Variants in NHSL1 observed in about 807,000 individuals in gnomAD.
NHSL1 encodes NHS-like protein 1.
Under a neutral mutation model 95.0 loss-of-function variants are expected in NHSL1, and 48 were observed. The observed-to-expected ratio is 0.51, with a 90% CI of 0.40 to 0.64. The LOEUF is 0.64. Ranked by LOEUF, NHSL1 falls within the 30% of genes least tolerant of loss-of-function variation. The pLI is 0.00. For synonymous variants in NHSL1, 783 were observed against 833.9 expected, an observed-to-expected ratio of 0.94 and a Z score of 1.05; for missense variants, 1,971 against 2,077.7, an observed-to-expected ratio of 0.95 and a Z score of 1.00.
chr6:138,692,847 A>G (rs998510244), upstream of NHSL1, among the ~76,000 whole-genome samples: 2 of 149,962 alleles, frequency 1.3e-5, no homozygotes, highest in African/African-American at 4.9e-5. The surrounding 1 kb of genome is among the most constrained non-coding windows in gnomAD (Gnocchi z 4.0). Context: ...ACACAAAGGA[A>G]GTCCCGGGCA....
At chr6:138,637,814 T>A (rs1784906810) in intron 1 of NHSL1, among the ~76,000 whole-genome samples, 1 of 152,256 alleles carries the variant, frequency 6.6e-6, no homozygotes, top group South Asian at 2.1e-4. Flanking sequence ...AAGAGCAGTT[T>A]GGAGGTTCCT....
intron 3 of NHSL1, among the ~76,000 whole-genome samples, chr6:138,465,701 T>C (rs1479257819): frequency 6.6e-6 from 1 of 151,542 alleles, no homozygotes; most frequent in African/African-American, 2.4e-5. Context: ...ATCTGATATA[T>C]CTCCTACACT....
At chr6:138,543,886 G>T (rs951085363) in intron 1 of NHSL1, among the ~76,000 whole-genome samples, 1 of 152,172 alleles carries the variant, frequency 6.6e-6, no homozygotes, top group African/African-American at 2.4e-5. Context: ...GGCTTTAAAA[G>T]GGTGCGATTG....
intron 1 of NHSL1, among the ~76,000 whole-genome samples, chr6:138,517,921 A>G (rs1197370906): frequency 6.6e-6 from 1 of 152,206 alleles, no homozygotes; most frequent in Admixed American, 6.5e-5. Context: ...TGAGTGGGTC[A>G]GGGTGGCACA....
At chr6:138,601,816 AG>A (rs57683728) in intron 1 of NHSL1, among the ~76,000 whole-genome samples, 1,837 of 151,514 alleles carry the variant, frequency 0.012, 43 homozygotes, top group African/African-American at 0.042. Context: ...ATCTCAAAAA[AG>A]AAAAAAAAAG....
chr6:138,476,322 A>G (rs1028792684), intron 2 of NHSL1, among the ~76,000 whole-genome samples: 1 of 152,224 alleles, frequency 6.6e-6, no homozygotes, highest in African/African-American at 2.4e-5. Context: ...CCATAAAAAA[A>G]GAATTAAATC....
intron 1 of NHSL1, among the ~76,000 whole-genome samples, chr6:138,526,945 T>C (rs1403768119): frequency 6.6e-6 from 1 of 152,216 alleles, no homozygotes; most frequent in Non-Finnish European, 1.5e-5. Flanking sequence ...TTGTCATTCG[T>C]GGTAGTTTTG....
At chr6:138,638,438 C>T (rs1165118470) in intron 1 of NHSL1, among the ~76,000 whole-genome samples, 3 of 152,156 alleles carry the variant, frequency 2.0e-5, no homozygotes, top group East Asian at 1.9e-4. Flanking sequence ...TGTATCAAAA[C>T]ATCTCATGTA....
At chr6:138,659,396 T>C (rs929701046) in intron 1 of NHSL1, among the ~76,000 whole-genome samples, 1 of 152,120 alleles carries the variant, frequency 6.6e-6, no homozygotes, top group African/African-American at 2.4e-5. Flanking sequence ...CACGCTCCTC[T>C]TGGCTACTAC....
In NHSL1 at chr6:138,430,730, T is replaced by C. The variant is rs944162958; in HGVS notation, c.3615A>G (p.Val1205=). ...ISKKPKLFLV[V]PPPQKDFAVE... ...CTGCAAAATCTTTCTGCGGAGGTGG[T>C]ACCACCAGGAACAGTTTGGGCTTCT... The change falls in exon 6 of 8, where the codon GTA becomes GTG. Residue 1205 remains valine, a synonymous_variant. Transcript: ENST00000343505. The surrounding 1 kb of genome is among the most constrained non-coding windows in gnomAD (Gnocchi z 4.7). 9.0e-6 allele frequency: 14 copies of C among 1,551,572 alleles called. No individual in the cohort carries two copies. Among genetic ancestry groups the C allele is most frequent in the Admixed American group, 2.0e-5 (1 of 50,966 alleles).
chr6:138,666,590 C>CAAAAAAAAAAAA (rs10564684), intron 1 of NHSL1, among the ~76,000 whole-genome samples: 1 of 89,310 alleles, frequency 1.1e-5, no homozygotes, highest in Non-Finnish European at 2.2e-5. Flanking sequence ...GCCTCCATCT[C>CAAAAAAAAAAAA]AAAAAAAAAA....
At chr6:138,434,315 T>C (rs949216693) in intron 5 of NHSL1, among the ~76,000 whole-genome samples, 3 of 151,980 alleles carry the variant, frequency 2.0e-5, no homozygotes, top group East Asian at 1.9e-4. Context: ...TGTGTTCTAG[T>C]TGGGGAAACT....
chr6:138,431,388 G>C lies in NHSL1; in HGVS notation c.2957C>G (p.Pro986Arg). Reference sequence around the variant, plus strand: ...GCGGGGAGGAGAAAGGCACCAATCAGGTGGGGAGCAGAAAGGAATGAGAGC... The same window carrying C: ...GCGGGGAGGAGAAAGGCACCAATCACGTGGGGAGCAGAAAGGAATGAGAGC... ...PEALIPFCSP[P>R]DWCLSPPRPA... is the part of the protein sequence containing the mutation. The change falls in exon 6 of 8, where the codon CCT becomes CGT. Residue 986 changes from proline to arginine, a missense_variant. Around this residue, in one of 3 missense-constraint regions of NHSL1, gnomAD observed 1,602 missense variants for 1,654.5 expected, o/e 0.97. Coordinates refer to ENST00000343505, the MANE Select transcript of NHSL1 (RefSeq NM_001144060.2). The surrounding 1 kb of genome is among the most constrained non-coding windows in gnomAD (Gnocchi z 4.0). 1 of 1,549,476 alleles carries C rather than the reference G, an allele frequency of 6.5e-7. No homozygotes were observed. Among genetic ancestry groups the C allele is most frequent in the Non-Finnish European group, 8.7e-7 (1 of 1,146,160 alleles).
At chr6:138,598,626 A>AG (rs753697087) in intron 1 of NHSL1, among the ~76,000 whole-genome samples, 2 of 127,148 alleles carry the variant, frequency 1.6e-5, no homozygotes, top group South Asian at 3.0e-4. Flanking sequence ...TTCATCTGGA[A>AG]GAAAAAAAAA....
chr6:138,512,904 C>T (rs1781296981), intron 1 of NHSL1, among the ~76,000 whole-genome samples: 1 of 152,234 alleles, frequency 6.6e-6, no homozygotes, highest in African/African-American at 2.4e-5. Flanking sequence ...GGTGTTACCT[C>T]CCTTCTCCAC....
At chr6:138,534,956 C>CT (rs1385261396) in intron 1 of NHSL1, among the ~76,000 whole-genome samples, 1 of 152,180 alleles carries the variant, frequency 6.6e-6, no homozygotes, top group Non-Finnish European at 1.5e-5. Context: ...AGAAAACAGA[C>CT]TTTCTCCTCC....
In NHSL1 at chr6:138,432,155, C is replaced by T. The variant is rs1775732872; in HGVS notation, c.2190G>A (p.Glu730=). Residue 730 remains glutamate (E), a synonymous_variant, in exon 6 of 8, where the codon GAG becomes GAA. Coordinates refer to ENST00000343505, the MANE Select transcript of NHSL1 (RefSeq NM_001144060.2). This position sits in a 1 kb window ranked among gnomAD's most constrained non-coding sequence, Gnocchi z 4.4. ...PSQSPCSDLE[E]PWLPRSRSQS... is the part of the protein sequence containing the mutation. ...GGCTCCGGGAGCGGGGCAGCCAGGG[C>T]TCTTCCAAGTCACTGCAGGGGCTCT... 6.5e-7 allele frequency: 1 copy of T among 1,548,362 alleles called. No homozygotes were observed. Among genetic ancestry groups the T allele is most frequent in the Non-Finnish European group, 8.7e-7 (1 of 1,145,198 alleles).
At chr6:138,451,244 C>T (rs374949005) in intron 3 of NHSL1, among the ~76,000 whole-genome samples, 8 of 152,290 alleles carry the variant, frequency 5.3e-5, no homozygotes, top group African/African-American at 9.6e-5. Flanking sequence ...TGCACACTCG[C>T]GCCTCAGGGC....
intron 3 of NHSL1, among the ~76,000 whole-genome samples, chr6:138,464,549 A>AT (rs900681462): frequency 2.3e-4 from 35 of 150,472 alleles, no homozygotes; most frequent in South Asian, 1.7e-3. Flanking sequence ...TGTCTCTGTG[A>AT]TTTTTTTTTT....
Sources: gnomAD v4.1 joint callset for allele counts (sites outside exome capture counted in the v4.1 genomes callset) on GRCh38, gnomAD v4.1.1 for gene constraint, gnomAD v4.1.1 regional missense constraint, Gnocchi (gnomAD v3.1) non-coding constraint, MANE v1.5 for transcripts, NCBI Gene and HGNC (gene_info 2026-07-23, HGNC 2026-07-21) for gene names.